The following CD109 variants were observed in gnomAD, a reference collection of about 807,000 sequenced individuals.
CD109 encodes the protein CD109 antigen.
A neutral mutation model predicts 165.8 loss-of-function variants in CD109; 149 were observed. That is an observed-to-expected ratio of 0.90 (90% CI 0.79 to 1.03). CD109 has a LOEUF of 1.03. Among genes scored for constraint, CD109 ranks in the 50% least tolerant of loss-of-function variants. CD109 has a pLI of 0.00. For missense variants in CD109, 1,712 were observed against 1,677.8 expected, an observed-to-expected ratio of 1.02 and a Z score of -0.36; for synonymous variants, 585 against 592.1, an observed-to-expected ratio of 0.99 and a Z score of 0.18.
chr6:73,725,504 C>CTTTTTTTTTTTTTTT lies in CD109; in HGVS notation c.276+2232_276+2246dup, dbSNP rs386407559. 1.8e-3 allele frequency among the ~76,000 whole-genome samples: 157 copies of CTTTTTTTTTTTTTTT among 89,380 alleles called. 13 individuals carry two copies. The highest frequency in any genetic ancestry group is 2.5e-3 in the African/African-American group (52 of 20,770). 58.6% of individuals were successfully genotyped at this position (89,380 alleles called of 152,430 possible). On this transcript the variant is annotated intron_variant, in intron 3 of 32. Transcript: ENST00000287097. ...AACTAGAAATTTGTCTACTACACTT[C>CTTTTTTTTTTTTTTT]TTTTTTTTTTTTTTTTTTTTTGAGA...
intron 2 of CD109, among the ~76,000 whole-genome samples, chr6:73,707,152 C>T (rs971439171): frequency 2.0e-5 from 3 of 152,074 alleles, no homozygotes; most frequent in Non-Finnish European, 4.4e-5. Flanking sequence ...CAAAGTCAAG[C>T]GTGGGTTTAC....
chr6:73,761,014 AACACACAC>A (rs577598100), intron 7 of CD109, among the ~76,000 whole-genome samples: 28,860 of 124,230 alleles, frequency 0.23, 3,133 homozygotes, highest in Middle Eastern at 0.29. Flanking sequence ...ACTGTGTCTA[AACACACAC>A]ACACACACAC....
At chr6:73,735,264 C>A (rs1175493795) in intron 4 of CD109, among the ~76,000 whole-genome samples, 2 of 152,154 alleles carry the variant, frequency 1.3e-5, no homozygotes, top group Non-Finnish European at 2.9e-5. Flanking sequence ...TCATCATATA[C>A]TATAATTAGG....
rs780008065 is a variant in CD109, at chr6:73,781,323, A to G, written c.1963+4A>G. On this transcript the variant is annotated splice_donor_region_variant and intron_variant, in intron 17 of 32. Coordinates refer to ENST00000287097, the MANE Select transcript of CD109 (RefSeq NM_133493.5). ...AAGGATTATATTGATGGTGTTTGTAAGTAATACATGGCGACATGCTTGTAT... is the reference window on the plus strand; with the variant it reads ...AAGGATTATATTGATGGTGTTTGTAGGTAATACATGGCGACATGCTTGTAT... 9.9e-6 allele frequency: 16 copies of G among 1,609,930 alleles called. No individual in the cohort carries two copies. In the South Asian group the frequency reaches 1.8e-4, roughly 18 times the overall value.
intron 2 of CD109, among the ~76,000 whole-genome samples, chr6:73,704,953 A>G (rs1018803033): frequency 2.6e-5 from 4 of 152,226 alleles, no homozygotes; most frequent in African/African-American, 7.2e-5. Context: ...TTCCAGAGCT[A>G]TACAGATGTC....
chr6:73,745,255 A>G (rs1342787273), intron 5 of CD109, among the ~76,000 whole-genome samples: 1 of 152,028 alleles, frequency 6.6e-6, no homozygotes, highest in Non-Finnish European at 1.5e-5. Context: ...GGCATGTGCC[A>G]CCATGGGCCT....
intron 15 of CD109, among the ~76,000 whole-genome samples, chr6:73,775,783 G>C (rs547557555): frequency 1.3e-5 from 2 of 152,202 alleles, no homozygotes; most frequent in South Asian, 2.1e-4. Flanking sequence ...TTGGTTTTCT[G>C]TTCCTGAGTT....
intron 23 of CD109, among the ~76,000 whole-genome samples, chr6:73,796,172 G>A (rs1047579317): frequency 6.6e-6 from 1 of 152,126 alleles, no homozygotes; most frequent in Non-Finnish European, 1.5e-5. Context: ...CTCCCCTTCA[G>A]TACATTCTCC....
In CD109 at chr6:73,782,656, A is replaced by T. The variant is rs780181884; in HGVS notation, c.2006A>T (p.Glu669Val). ...GCTGAGAGGTTTATGGAGGAAAATG[A>T]AGGACATATTGTAGATATTCATGAC... ...EYAERFMEEN[E>V]GHIVDIHDFS... The change falls in exon 18 of 33, where the codon GAA (glutamate) becomes GTA (valine). Residue 669 changes from glutamate to valine, a missense_variant. By Grantham distance (121) the Glu-to-Val change is moderately radical (BLOSUM62 -2). Coordinates refer to ENST00000287097, the MANE Select transcript of CD109 (RefSeq NM_133493.5). 11 of 1,613,766 alleles carry T rather than the reference A, an allele frequency of 6.8e-6. No individual in the cohort carries two copies. In the South Asian group the frequency reaches 1.1e-4, roughly 16 times the overall value.
intron 32 of CD109, among the ~76,000 whole-genome samples, chr6:73,822,624 A>G (rs948796039): frequency 4.6e-5 from 7 of 152,224 alleles, no homozygotes; most frequent in Non-Finnish European, 4.4e-5. Flanking sequence ...TCCCCAATTT[A>G]TATTTCTTGG....
At position 73,823,783 on chromosome 6, in the gene CD109, C is replaced by A; in HGVS notation, c.*150C>A. 1 of 570,660 alleles carries A rather than the reference C, an allele frequency of 1.8e-6. No individual in the cohort carries two copies. The highest frequency in any genetic ancestry group is 3.0e-6 in the Non-Finnish European group (1 of 330,246). The allele number at this position is 570,660 out of a possible 1,614,324, so 35.3% of individuals were successfully genotyped here. A position where few individuals can be genotyped will look rare whatever the true frequency, so the allele number is the denominator to read the frequency against. Reference sequence around the variant, plus strand: ...AGGGATGGTGTACAACAGGTCCTAGCATGTATAGCTGCATAGATTTCTTCA... The same window carrying A: ...AGGGATGGTGTACAACAGGTCCTAGAATGTATAGCTGCATAGATTTCTTCA... On this transcript the variant is annotated 3_prime_UTR_variant, in exon 33 of 33. Transcript: ENST00000287097.
chr6:73,777,765 G>T (rs1247702461), intron 15 of CD109, among the ~76,000 whole-genome samples: 4 of 151,992 alleles, frequency 2.6e-5, no homozygotes, highest in Admixed American at 2.6e-4. Flanking sequence ...CTGTTCCATT[G>T]GTCTATGTGT....
At chr6:73,738,695 G>A (rs533654868) in intron 5 of CD109, among the ~76,000 whole-genome samples, 1 of 152,324 alleles carries the variant, frequency 6.6e-6, no homozygotes, top group East Asian at 1.9e-4. Context: ...AGCATTTGCA[G>A]GATCTGGCCC....
At chr6:73,689,500 T>A in the CD109 span, among the ~76,000 whole-genome samples, 1 of 152,246 alleles carries the variant, frequency 6.6e-6, no homozygotes, top group African/African-American at 2.4e-5. Context: ...TGGTGGCCAG[T>A]GTGTTATATT....
At chr6:73,799,850 C>CT (rs1184479318) in intron 23 of CD109, among the ~76,000 whole-genome samples, 3 of 149,908 alleles carry the variant, frequency 2.0e-5, no homozygotes, top group African/African-American at 7.3e-5. Flanking sequence ...TTCTCATTTC[C>CT]CCCCGCAATT....
At chr6:73,792,925 G>A in intron 23 of CD109, 123 bp downstream of exon 23, 1 of 667,598 alleles carries the variant, frequency 1.5e-6, no homozygotes, top group Non-Finnish European at 2.5e-6. Flanking sequence ...GGGCTACACG[G>A]TGTTGACATG....
Position 73,766,930 on chromosome 6 carries a change from A to C in CD109, c.1435-18A>C. The C allele has an allele frequency of 6.2e-7, 1 of 1,612,942 alleles. No homozygotes were observed. The highest frequency in any genetic ancestry group is 8.5e-7 in the Non-Finnish European group (1 of 1,179,226). On this transcript the variant is annotated intron_variant, in intron 12 of 32. Coordinates refer to ENST00000287097, the MANE Select transcript of CD109 (RefSeq NM_133493.5). ...TCTTGCTTTTGATATGTACATATTA[A>C]TTAAGGTTTTTTTCTAGGTGGGATC...
At chr6:73,799,598 G>T (rs560217945) in intron 23 of CD109, among the ~76,000 whole-genome samples, 1 of 152,268 alleles carries the variant, frequency 6.6e-6, no homozygotes, top group South Asian at 2.1e-4. Context: ...GGACAAGAGA[G>T]ACAGTGTTGT....
intron 18 of CD109, 97 bp downstream of exon 18, chr6:73,782,852 T>G (rs1332389526): frequency 8.5e-7 from 1 of 1,183,102 alleles, no homozygotes; most frequent in African/African-American, 1.5e-5. Context: ...ACAAACATAG[T>G]GTAACTAAGA....
Sources: gnomAD v4.1 joint callset for allele counts (sites outside exome capture counted in the v4.1 genomes callset) on GRCh38, gnomAD v4.1.1 for gene constraint, MANE v1.5 for transcripts, NCBI Gene and HGNC (gene_info 2026-07-23, HGNC 2026-07-21) for gene names.